Variants in ATP10A observed in about 807,000 individuals in gnomAD.
The protein encoded by ATP10A is phospholipid-transporting ATPase VA.
In ATP10A, 111 loss-of-function variants were observed where a neutral mutation model predicts 147.8. The ratio of observed to expected loss-of-function variants is 0.75; its 90% confidence interval spans 0.64 to 0.88. ATP10A has a LOEUF of 0.88. ATP10A is among the 40% of genes least tolerant of loss of function. The probability of loss-of-function intolerance (pLI) is 0.00; values close to 1 mark genes in which losing one functional copy is unlikely to be tolerated. For synonymous variants in ATP10A, 875 were observed against 841.6 expected, an observed-to-expected ratio of 1.04 and a Z score of -0.69; for missense variants, 1,927 against 1,959.0, an observed-to-expected ratio of 0.98 and a Z score of 0.31.
intron 1 of ATP10A, among the ~76,000 whole-genome samples, chr15:25,784,837 G>A (rs192298865): frequency 7.4e-4 from 112 of 151,918 alleles, no homozygotes; most frequent in African/African-American, 2.6e-3. Flanking sequence ...CAGGAGAATC[G>A]CTTGAACCCG....
At position 25,754,023 on chromosome 15, in the gene ATP10A, C is replaced by T. The variant is rs187703440; in HGVS notation, c.655-17882G>A. Among the ~76,000 whole-genome samples the T allele has an allele frequency of 1.3e-4, 20 of 152,312 alleles. No homozygotes were observed. The East Asian group carries it at 3.9e-3, about 29-fold the overall frequency. On this transcript the variant is annotated intron_variant, in intron 2 of 20. Coordinates refer to ENST00000555815, the MANE Select transcript of ATP10A (RefSeq NM_024490.4). Reference sequence around the variant, plus strand: ...CCACGTTGCCTAGGCTGGTCTCAAACTGTTGGCCTCAAGCAATCCTCCTGC... The same window carrying T: ...CCACGTTGCCTAGGCTGGTCTCAAATTGTTGGCCTCAAGCAATCCTCCTGC...
chr15:25,841,623 C>A (rs1244823042), intron 1 of ATP10A: 1 of 149,754 alleles, frequency 6.7e-6, no homozygotes, highest in African/African-American at 2.4e-5. Context: ...ATAGGAGTTA[C>A]GTTAAATCTA....
intron 2 of ATP10A, among the ~76,000 whole-genome samples, chr15:25,741,514 C>A (rs1374848533): frequency 6.6e-6 from 1 of 152,158 alleles, no homozygotes. Flanking sequence ...GTAAAGAATG[C>A]CTTCATTAAA....
chr15:25,772,045 C>G (rs959332674), intron 2 of ATP10A, among the ~76,000 whole-genome samples: 1 of 152,282 alleles, frequency 6.6e-6, no homozygotes, highest in South Asian at 2.1e-4. Flanking sequence ...AGCCATCGCG[C>G]CCGGCCTGAA....
At chr15:25,788,101 C>T (rs1463969570) in intron 1 of ATP10A, among the ~76,000 whole-genome samples, 1 of 152,162 alleles carries the variant, frequency 6.6e-6, no homozygotes, top group East Asian at 1.9e-4. Context: ...TTGAGGGGCC[C>T]CAGCCTGGCC....
intron 1 of ATP10A, among the ~76,000 whole-genome samples, chr15:25,813,914 C>A (rs1305802293): frequency 6.6e-6 from 1 of 151,746 alleles, no homozygotes; most frequent in Non-Finnish European, 1.5e-5. Context: ...CTTCTAGTAG[C>A]CTAATCTATC....
intron 13 of ATP10A, among the ~76,000 whole-genome samples, chr15:25,697,594 GGAA>G (rs1370319766): frequency 6.6e-6 from 1 of 152,170 alleles, no homozygotes; most frequent in Non-Finnish European, 1.5e-5. Context: ...CCAAAAAGAA[GGAA>G]GATATTTCAG....
At chr15:25,827,504 AG>A (rs1413153742) in intron 1 of ATP10A, among the ~76,000 whole-genome samples, 1 of 152,218 alleles carries the variant, frequency 6.6e-6, no homozygotes, top group Non-Finnish European at 1.5e-5. Flanking sequence ...ACACCAGCAC[AG>A]TGGAGGGAGG....
At chr15:25,702,997 G>A (rs990579985) in intron 12 of ATP10A, among the ~76,000 whole-genome samples, 2 of 152,130 alleles carry the variant, frequency 1.3e-5, no homozygotes, top group African/African-American at 4.8e-5. Context: ...GGGCCTGCAG[G>A]AGGTAATTAA....
At chr15:25,732,979 G>A (rs1887035224) in intron 3 of ATP10A, among the ~76,000 whole-genome samples, 1 of 152,130 alleles carries the variant, frequency 6.6e-6, no homozygotes, top group Non-Finnish European at 1.5e-5. Context: ...GGCTCAGAAA[G>A]GCAGAATAAC....
chr15:25,841,279 G>GT (rs59687038), intron 1 of ATP10A, among the ~76,000 whole-genome samples: 23,800 of 145,492 alleles, frequency 0.16, 2,141 homozygotes, highest in Middle Eastern at 0.3. Context: ...GAGGTTTAGG[G>GT]TTTTTTTTTT....
intron 1 of ATP10A, among the ~76,000 whole-genome samples, chr15:25,794,373 A>C (rs1890569777): frequency 1.3e-5 from 2 of 152,216 alleles, no homozygotes; most frequent in Admixed American, 1.3e-4. Context: ...GAAGCAAAAA[A>C]AAAATCTCTG....
At chr15:25,727,121 G>C in intron 4 of ATP10A, 39 bp downstream of exon 4, 1 of 1,422,300 alleles carries the variant, frequency 7.0e-7, no homozygotes, top group Non-Finnish European at 9.9e-7. Context: ...AGAACACAGC[G>C]CTGTCTGGCG....
chr15:25,832,682 GAAATGAAAAGAGT>G (rs1182659955), intron 1 of ATP10A, among the ~76,000 whole-genome samples: 20 of 152,122 alleles, frequency 1.3e-4, no homozygotes, highest in African/African-American at 4.8e-4. Context: ...CCAAAGAAAG[GAAATGAAAAGAGT>G]ATGTTACTGG....
At chr15:25,756,706 A>G (rs1002749402) in intron 2 of ATP10A, among the ~76,000 whole-genome samples, 4 of 152,242 alleles carry the variant, frequency 2.6e-5, no homozygotes, top group African/African-American at 9.6e-5. Context: ...ATTCTATCTG[A>G]AAGAAACAGA....
At chr15:25,787,238 CA>C (rs542333867) in intron 1 of ATP10A, among the ~76,000 whole-genome samples, 1 of 151,956 alleles carries the variant, frequency 6.6e-6, no homozygotes, top group Admixed American at 6.5e-5. Context: ...AAGTGCTAAG[CA>C]AAAAAGTTCT....
At chr15:25,841,246 G>A (rs1456343523) in intron 1 of ATP10A, among the ~76,000 whole-genome samples, 1 of 146,246 alleles carries the variant, frequency 6.8e-6, no homozygotes, top group Non-Finnish European at 1.5e-5. Flanking sequence ...TCTTTAACAA[G>A]TTAATTTTTA....
chr15:25,841,995 T>C (rs1466492760), intron 1 of ATP10A, among the ~76,000 whole-genome samples: 4 of 152,166 alleles, frequency 2.6e-5, no homozygotes, highest in African/African-American at 4.8e-5. Context: ...AACTGTGAAA[T>C]TGGTTGTAGG....
chr15:25,838,733 T>C (rs973380812), intron 1 of ATP10A, among the ~76,000 whole-genome samples: 3 of 152,200 alleles, frequency 2.0e-5, no homozygotes, highest in Non-Finnish European at 4.4e-5. Context: ...TTGATGATAA[T>C]ATCGCATGTG....
Sources: gnomAD v4.1 joint callset for allele counts (sites outside exome capture counted in the v4.1 genomes callset) on GRCh38, gnomAD v4.1.1 for gene constraint, MANE v1.5 for transcripts, NCBI Gene and HGNC (gene_info 2026-07-23, HGNC 2026-07-21) for gene names.